OTUD7A: variants seen among roughly 807,000 people sequenced by gnomAD.
The protein encoded by OTUD7A is OTU deubiquitinase 7A.
OTUD7A carries 12 observed loss-of-function variants against 65.7 expected under a neutral mutation model. That is an observed-to-expected ratio of 0.18 (90% confidence interval 0.12 to 0.30). The LOEUF (loss-of-function observed/expected upper bound fraction) is 0.30. OTUD7A is among the 10% of genes least tolerant of loss of function. The pLI, the probability that OTUD7A is intolerant of heterozygous loss-of-function variation, is 1.00. For missense variants in OTUD7A, 1,148 were observed against 1,304.8 expected (o/e 0.88, Z 1.85); for synonymous variants, 641 against 586.3 (o/e 1.09, Z -1.35).
intron 3 of OTUD7A, among the ~76,000 whole-genome samples, chr15:31,604,831 G>C (rs1890191185): frequency 6.6e-6 from 1 of 152,194 alleles, no homozygotes; most frequent in Non-Finnish European, 1.5e-5. Context: ...CTCAGGGCTT[G>C]TGGCAAAGCT....
intron 3 of OTUD7A, among the ~76,000 whole-genome samples, chr15:31,589,766 T>C (rs1031763400): frequency 2.0e-5 from 3 of 152,168 alleles, no homozygotes; most frequent in African/African-American, 7.2e-5. Flanking sequence ...AACTAAATTG[T>C]GTACTCAACT....
intron 1 of OTUD7A, among the ~76,000 whole-genome samples, chr15:31,730,598 C>T (rs1460508399): frequency 6.6e-6 from 1 of 152,216 alleles, no homozygotes; most frequent in Non-Finnish European, 1.5e-5. Flanking sequence ...AGTGACCACA[C>T]CAGATGATGA....
chr15:31,569,473 G>A (rs572688739), intron 4 of OTUD7A, among the ~76,000 whole-genome samples: 23 of 152,358 alleles, frequency 1.5e-4, no homozygotes, highest in African/African-American at 5.5e-4. Flanking sequence ...TATAGCAAGA[G>A]GAGCAGGAGG....
intron 1 of OTUD7A, among the ~76,000 whole-genome samples, chr15:31,802,220 G>T (rs1896151801): frequency 6.6e-6 from 1 of 151,548 alleles, no homozygotes; most frequent in Non-Finnish European, 1.5e-5. Context: ...CCGTCTGCAG[G>T]CTGTGGGGCA....
intron 1 of OTUD7A, among the ~76,000 whole-genome samples, chr15:31,825,909 T>G (rs1270898954): frequency 1.3e-5 from 2 of 152,244 alleles, no homozygotes; most frequent in Non-Finnish European, 2.9e-5. Context: ...CTCCTTTGAC[T>G]CCATGTCTCA....
intron 1 of OTUD7A, among the ~76,000 whole-genome samples, chr15:31,757,438 C>A (rs184985955): frequency 2.0e-5 from 3 of 151,734 alleles, no homozygotes. Flanking sequence ...CTATACCACT[C>A]CTAGTACCAC....
chr15:31,635,987 G>A (rs1241661097), intron 3 of OTUD7A, among the ~76,000 whole-genome samples: 1 of 152,230 alleles, frequency 6.6e-6, no homozygotes, highest in African/African-American at 2.4e-5. Context: ...TATCCCAGAC[G>A]CCAGGTGCTG....
At position 31,756,627 on chromosome 15, in the gene OTUD7A, AAC is replaced by A. The variant is rs56792926; in HGVS notation, c.-99-99552_-99-99551del. Among the ~76,000 whole-genome samples, 863 of 138,398 alleles carry A rather than the reference AAC, an allele frequency of 6.2e-3. 7 individuals are homozygous for A. Among genetic ancestry groups the A allele is most frequent in the African/African-American group, 0.015 (533 of 35,614 alleles). The allele number at this position is 138,398 out of a possible 152,430, so 90.8% of individuals were successfully genotyped here. On this transcript the variant is annotated intron_variant, in intron 1 of 12. Transcript: ENST00000307050. ...GAATGCATAAAAACCCAGTGTACCC[AAC>A]ACACACACACACACACACACACACA...
intron 1 of OTUD7A, among the ~76,000 whole-genome samples, chr15:31,864,590 T>C (rs2094289664): frequency 6.6e-6 from 1 of 152,136 alleles, no homozygotes; most frequent in Admixed American, 6.5e-5. Flanking sequence ...ATGATTCAGT[T>C]ACCTCCCTCT....
intron 8 of OTUD7A, among the ~76,000 whole-genome samples, chr15:31,517,889 G>A (rs542628009): frequency 2.6e-5 from 4 of 152,226 alleles, no homozygotes; most frequent in East Asian, 3.9e-4. Context: ...CGGCAAGAGC[G>A]CGTGTCATAG....
intron 1 of OTUD7A, among the ~76,000 whole-genome samples, chr15:31,695,140 G>A (rs1472223712): frequency 3.3e-5 from 5 of 152,092 alleles, no homozygotes; most frequent in South Asian, 2.1e-4. Context: ...CCACCGCCCC[G>A]GCCATGTTTT....
At chr15:31,526,012 A>G (rs2042006561) in intron 8 of OTUD7A, among the ~76,000 whole-genome samples, 1 of 152,232 alleles carries the variant, frequency 6.6e-6, no homozygotes, top group South Asian at 2.1e-4. Flanking sequence ...TGTGACCTCC[A>G]GAGGCCTGCT....
intron 8 of OTUD7A, among the ~76,000 whole-genome samples, chr15:31,517,265 C>T (rs2041872557): frequency 6.6e-6 from 1 of 152,196 alleles, no homozygotes; most frequent in Admixed American, 6.5e-5. Flanking sequence ...TCCAATTTAG[C>T]TGGGGGCTCT....
chr15:31,812,648 G>A (rs756249152), intron 1 of OTUD7A, among the ~76,000 whole-genome samples: 11 of 152,162 alleles, frequency 7.2e-5, no homozygotes, highest in Non-Finnish European at 1.3e-4. Context: ...GCAATGAAAT[G>A]CATTCAAGAG....
chr15:31,493,226 AG>A (rs1358615581), intron 10 of OTUD7A, among the ~76,000 whole-genome samples: 1 of 152,218 alleles, frequency 6.6e-6, no homozygotes, highest in Non-Finnish European at 1.5e-5. Context: ...TAATGGAAAG[AG>A]AGCTAGAGTA....
chr15:31,622,633 C>T (rs1011514024), intron 3 of OTUD7A, among the ~76,000 whole-genome samples: 4 of 152,156 alleles, frequency 2.6e-5, no homozygotes, highest in African/African-American at 9.7e-5. Context: ...TTAAGGACTT[C>T]TCTGCATTGG....
rs1595546976 is a variant in OTUD7A, at chr15:31,483,087, G to A, written c.*207C>T. The A allele has an allele frequency of 3.3e-6, 1 of 307,510 alleles. No individual in the cohort carries two copies. Among genetic ancestry groups the A allele is most frequent in the Non-Finnish European group, 4.9e-6 (1 of 205,038 alleles). The allele number at this position is 307,510 out of a possible 1,614,324, so 19.0% of individuals were successfully genotyped here. A position where few individuals can be genotyped will look rare whatever the true frequency, so the allele number is the denominator to read the frequency against. The stretch of plus-strand genomic sequence containing the variant: ...TAGGCTAGCACACCCACTTCCAACA[G>A]TATGACTTGTTTCCTATCCGTCTAC... On this transcript the variant is annotated 3_prime_UTR_variant, in exon 13 of 13. Coordinates refer to ENST00000307050, the MANE Select transcript of OTUD7A (RefSeq NM_001382637.1).
intron 3 of OTUD7A, among the ~76,000 whole-genome samples, chr15:31,638,268 T>C (rs1891399149): frequency 6.6e-6 from 1 of 152,190 alleles, no homozygotes; most frequent in Non-Finnish European, 1.5e-5. Context: ...AAGGCTCAGA[T>C]GATTGTTAGC....
chr15:31,824,520 T>G (rs1428102245), intron 1 of OTUD7A, among the ~76,000 whole-genome samples: 1 of 152,244 alleles, frequency 6.6e-6, no homozygotes, highest in African/African-American at 2.4e-5. Context: ...AGAAATGTCT[T>G]CCTAAATGAT....
Sources: gnomAD v4.1 joint callset for allele counts (sites outside exome capture counted in the v4.1 genomes callset) on GRCh38, gnomAD v4.1.1 for gene constraint, MANE v1.5 for transcripts, NCBI Gene and HGNC (gene_info 2026-07-23, HGNC 2026-07-21) for gene names.